SLC25A16: variants seen among roughly 807,000 people sequenced by gnomAD.
SLC25A16 encodes mitochondrial coenzyme A transporter SLC25A16.
Under a neutral mutation model 41.5 loss-of-function variants are expected in SLC25A16, and 39 were observed. The ratio of observed to expected loss-of-function variants is 0.94; its 90% CI spans 0.73 to 1.23. The LOEUF is 1.23. SLC25A16 is among the 50% of genes most tolerant of loss of function. The pLI is 0.00. For synonymous variants in SLC25A16, 146 were observed against 147.8 expected (o/e 0.99, Z 0.09); for missense variants, 421 against 426.9 (o/e 0.99, Z 0.12).
At chr10:68,499,638 A>G in intron 4 of SLC25A16, 1 of 347,916 alleles carries the variant, frequency 2.9e-6, no homozygotes, top group Non-Finnish European at 5.7e-6. Flanking sequence ...CCTCTTTCCA[A>G]AGAGCTGAGA....
intron 1 of SLC25A16, among the ~76,000 whole-genome samples, chr10:68,523,524 G>A (rs2053283245): frequency 6.6e-6 from 1 of 152,118 alleles, no homozygotes; most frequent in Non-Finnish European, 1.5e-5. Flanking sequence ...CCAGGCTGGA[G>A]TGCAGTGGAG....
At chr10:68,485,352 A>G (rs1002749100) in intron 8 of SLC25A16, among the ~76,000 whole-genome samples, 3 of 151,910 alleles carry the variant, frequency 2.0e-5, no homozygotes, top group African/African-American at 7.3e-5. Context: ...AGCCTCCCAA[A>G]GTGCTGGGAT....
chr10:68,515,146 C>A (rs1213104841), intron 2 of SLC25A16, among the ~76,000 whole-genome samples: 1 of 147,508 alleles, frequency 6.8e-6, no homozygotes, highest in Non-Finnish European at 1.5e-5. Context: ...CACCTGAGGT[C>A]GGGAGTTCGA....
At chr10:68,498,780 A>G (rs561850616) in intron 4 of SLC25A16, among the ~76,000 whole-genome samples, 24 of 152,316 alleles carry the variant, frequency 1.6e-4, no homozygotes, top group Admixed American at 4.6e-4. Flanking sequence ...ACGTGGTTCT[A>G]ATAATCATTG....
At position 68,482,729 on chromosome 10, in the gene SLC25A16, G is replaced by A. The variant is rs1273450313; in HGVS notation, c.*703C>T. On this transcript the variant is annotated 3_prime_UTR_variant, in exon 9 of 9. Coordinates refer to ENST00000609923, the MANE Select transcript of SLC25A16 (RefSeq NM_152707.4). ...AGTCGTTCATTCATTTATTAAGTGGGGTTTCATGATGTTGCATAGGCTGGC... is the reference window on the plus strand; with the variant it reads ...AGTCGTTCATTCATTTATTAAGTGGAGTTTCATGATGTTGCATAGGCTGGC... 6.6e-6 allele frequency: 1 copy of A among 151,988 alleles called. No individual in the cohort carries two copies. The highest frequency in any genetic ancestry group is 1.5e-5 in the Non-Finnish European group (1 of 68,024). 9.4% of individuals were successfully genotyped at this position (151,988 alleles called of 1,614,324 possible).
intron 1 of SLC25A16, among the ~76,000 whole-genome samples, chr10:68,523,477 A>T (rs80341890): frequency 6.7e-6 from 1 of 149,038 alleles, no homozygotes; most frequent in Non-Finnish European, 1.5e-5. Context: ...AATAAATGTC[A>T]TTTTTTTTTA....
At chr10:68,513,805 G>T (rs1429643381) in intron 2 of SLC25A16, among the ~76,000 whole-genome samples, 1 of 152,032 alleles carries the variant, frequency 6.6e-6, no homozygotes, top group African/African-American at 2.4e-5. Context: ...CAGGAGAATA[G>T]TTTGAACCCA....
At chr10:68,509,743 C>CTATCTATCTA (rs1554919964) in intron 2 of SLC25A16, among the ~76,000 whole-genome samples, 1 of 144,664 alleles carries the variant, frequency 6.9e-6, no homozygotes, top group African/African-American at 2.6e-5. Flanking sequence ...ATATATATAT[C>CTATCTATCTA]TATATATATA....
At chr10:68,509,729 ATC>A (rs201228102) in intron 2 of SLC25A16, among the ~76,000 whole-genome samples, 1 of 144,938 alleles carries the variant, frequency 6.9e-6, no homozygotes. Flanking sequence ...ATATCTATCT[ATC>A]TATATATATA....
At chr10:68,515,523 G>C (rs1590123222) in intron 2 of SLC25A16, among the ~76,000 whole-genome samples, 1 of 152,108 alleles carries the variant, frequency 6.6e-6, no homozygotes, top group Non-Finnish European at 1.5e-5. Flanking sequence ...CTGAGGCCAG[G>C]CTCGGTGGCT....
At chr10:68,497,536 T>G (rs1379784346) in intron 4 of SLC25A16, among the ~76,000 whole-genome samples, 2 of 151,882 alleles carry the variant, frequency 1.3e-5, no homozygotes, top group Non-Finnish European at 2.9e-5. Context: ...ATGACACTCA[T>G]GAGCCACAAT....
chr10:68,484,898 G>A (rs2052533798), intron 8 of SLC25A16, among the ~76,000 whole-genome samples: 1 of 152,090 alleles, frequency 6.6e-6, no homozygotes, highest in African/African-American at 2.4e-5. Context: ...AATCACAGCA[G>A]CCACTAGCCA....
In SLC25A16 at chr10:68,487,136, G is replaced by GAACT. The variant is rs1339005235; in HGVS notation, c.842+4_842+7dup. ...AAGAAAATGAACAATGACATATGAT[G>GAACT]AACTTACAGGCACTTTTCAAATTCC... is the stretch of plus-strand genomic sequence containing the variant. On this transcript the variant is annotated splice_region_variant and intron_variant, in intron 8 of 8. Transcript: ENST00000609923. The GAACT allele has an allele frequency of 1.2e-6, 2 of 1,607,280 alleles. No homozygotes were observed. Among genetic ancestry groups the GAACT allele is most frequent in the African/African-American group, 2.7e-5 (2 of 74,746 alleles).
At chr10:68,501,544 G>A (rs1460450901) in intron 4 of SLC25A16, among the ~76,000 whole-genome samples, 3 of 150,352 alleles carry the variant, frequency 2.0e-5, no homozygotes, top group Non-Finnish European at 3.0e-5. Flanking sequence ...GAGAAGAGGA[G>A]AGGAGAGAAT....
At chr10:68,507,601 GCTTT>G (rs1253127465) in intron 2 of SLC25A16, among the ~76,000 whole-genome samples, 1 of 152,036 alleles carries the variant, frequency 6.6e-6, no homozygotes, top group Non-Finnish European at 1.5e-5. Flanking sequence ...GATATTCTGA[GCTTT>G]CTAACTGACA....
At chr10:68,510,031 C>T (rs1198601407) in intron 2 of SLC25A16, among the ~76,000 whole-genome samples, 1 of 151,658 alleles carries the variant, frequency 6.6e-6, no homozygotes, top group East Asian at 1.9e-4. Flanking sequence ...GAGCCGAGAT[C>T]GCGCCACTGC....
Position 68,527,227 on chromosome 10 carries a change from C to A in SLC25A16, c.130+19G>T. 6.5e-7 allele frequency: 1 copy of A among 1,545,068 alleles called. No homozygotes were observed. Among genetic ancestry groups the A allele is most frequent in the South Asian group, 1.2e-5 (1 of 83,914 alleles). On this transcript the variant is annotated intron_variant, in intron 1 of 8. Transcript: ENST00000609923. The stretch of plus-strand genomic sequence containing the variant: ...CCCGCCACTCAGAGCGCGGCTGGCT[C>A]TTCGTGGCATGGACCCACCTCCGGC...
rs1008888398 is a variant in SLC25A16 at position 68,478,415 on chromosome 10, A to G, written c.*5017T>C. 1.3e-5 allele frequency: 2 copies of G among 152,224 alleles called. No individual in the cohort carries two copies. Among genetic ancestry groups the G allele is most frequent in the Admixed American group, 6.5e-5 (1 of 15,282 alleles). 9.4% of individuals were successfully genotyped at this position (152,224 alleles called of 1,614,324 possible). ...AGATGCGAGGAACTATGTAAAGTGT[A>G]TGCTTGCTATACAAGTGTGTCAGGT... On this transcript the variant is annotated 3_prime_UTR_variant, in exon 9 of 9. Transcript: ENST00000609923.
At chr10:68,525,015 CCTGCCTGG>C (rs2053314390) in intron 1 of SLC25A16, among the ~76,000 whole-genome samples, 1 of 152,038 alleles carries the variant, frequency 6.6e-6, no homozygotes, top group Non-Finnish European at 1.5e-5. Context: ...CCACTGCACT[CCTGCCTGG>C]GTGAGGGAGT....
Sources: gnomAD v4.1 joint callset for allele counts (sites outside exome capture counted in the v4.1 genomes callset) on GRCh38, gnomAD v4.1.1 for gene constraint, MANE v1.5 for transcripts, NCBI Gene and HGNC (gene_info 2026-07-23, HGNC 2026-07-21) for gene names.